Variants in PIK3CA observed in about 807,000 individuals in gnomAD.
The protein encoded by PIK3CA is phosphatidylinositol 4,5-bisphosphate 3-kinase catalytic subunit alpha isoform.
Under a neutral mutation model 138.2 loss-of-function variants are expected in PIK3CA, and 27 were observed. The observed-to-expected ratio is 0.20, with a 90% CI of 0.14 to 0.27. The LOEUF (loss-of-function observed/expected upper bound fraction) is 0.27. Among genes scored for constraint, PIK3CA ranks in the 10% least tolerant of loss-of-function variants. PIK3CA has a pLI of 1.00. For missense variants in PIK3CA, 544 were observed against 1,277.4 expected (o/e 0.43, Z 8.75); for synonymous variants, 358 against 413.2 (o/e 0.87, Z 1.62).
At chr3:179,221,655 G>A (rs560104729) in intron 14 of PIK3CA, among the ~76,000 whole-genome samples, 4 of 141,590 alleles carry the variant, frequency 2.8e-5, no homozygotes, top group South Asian at 4.5e-4. Flanking sequence ...GTCATCTGCT[G>A]TCTAGCTTAG....
At chr3:179,167,817 T>G (rs532784371) in intron 1 of PIK3CA, among the ~76,000 whole-genome samples, 1 of 152,296 alleles carries the variant, frequency 6.6e-6, no homozygotes, top group East Asian at 1.9e-4. Flanking sequence ...TTGTGCTCTT[T>G]TGCTTCATTT....
chr3:179,157,344 C>G (rs751996946), intron 1 of PIK3CA, among the ~76,000 whole-genome samples: 8 of 152,018 alleles, frequency 5.3e-5, no homozygotes, highest in Admixed American at 2.0e-4. Context: ...AAAAGTTGAA[C>G]ATGACTTTTT....
intron 10 of PIK3CA, among the ~76,000 whole-genome samples, chr3:179,218,754 G>A (rs1724899065): frequency 6.6e-6 from 1 of 151,846 alleles, no homozygotes; most frequent in South Asian, 2.1e-4. Flanking sequence ...CCTGCTGTTG[G>A]TGATACGGGT....
At position 179,239,173 on chromosome 3, in the gene PIK3CA, C is replaced by A. The variant is rs532181391; in HGVS notation, c.*4809C>A. 36 of 209,694 alleles carry A rather than the reference C, an allele frequency of 1.7e-4. No homozygotes were observed. The East Asian group carries it at 2.6e-3, about 15-fold the overall frequency. 13.0% of individuals were successfully genotyped at this position (209,694 alleles called of 1,614,324 possible). ...TCTACCAACAGTATACTCCATTCCT[C>A]ATGTAGGTAAGTACAGAAAAGGTTT... On this transcript the variant is annotated 3_prime_UTR_variant, in exon 21 of 21. Coordinates refer to ENST00000263967, the MANE Select transcript of PIK3CA (RefSeq NM_006218.4).
At position 179,238,038 on chromosome 3, in the gene PIK3CA, T is replaced by C. The variant is rs373198732; in HGVS notation, c.*3674T>C. The C allele has an allele frequency of 9.0e-6, 2 of 221,976 alleles. No homozygotes were observed. The highest frequency in any genetic ancestry group is 1.2e-4 in the Admixed American group (2 of 17,352). The allele number at this position is 221,976 out of a possible 1,614,324, so 13.8% of individuals were successfully genotyped here. Reference sequence around the variant, plus strand: ...TTAAAGACAACTTTCATACTTCAGATGTTTTTGAGAAGAGGGGAATGTGAG... The same window carrying C: ...TTAAAGACAACTTTCATACTTCAGACGTTTTTGAGAAGAGGGGAATGTGAG... On this transcript the variant is annotated 3_prime_UTR_variant, in exon 21 of 21. Transcript: ENST00000263967.
At chr3:179,150,349 GTAA>G (rs779962039) in intron 1 of PIK3CA, among the ~76,000 whole-genome samples, 16 of 152,000 alleles carry the variant, frequency 1.1e-4, no homozygotes, top group Non-Finnish European at 1.5e-4. Context: ...ATAGCATATC[GTAA>G]TAATAGCATC....
At chr3:179,209,237 A>G (rs1724647803) in intron 6 of PIK3CA, among the ~76,000 whole-genome samples, 1 of 151,856 alleles carries the variant, frequency 6.6e-6, no homozygotes, top group Non-Finnish European at 1.5e-5. Context: ...CTTTTATTAG[A>G]TTATGCTTTC....
rs1725324881 is a variant in PIK3CA, at chr3:179,235,940, T to C, written c.*1576T>C. On this transcript the variant is annotated 3_prime_UTR_variant, in exon 21 of 21. Transcript: ENST00000263967. ...CTCTGTATTTGAAATGAATGATTAA[T>C]GTCCTAGGAAATTAGCTTTAGCAGA... is the stretch of plus-strand genomic sequence containing the variant. 1 of 209,182 alleles carries C rather than the reference T, an allele frequency of 4.8e-6. No homozygotes were observed. Among genetic ancestry groups the C allele is most frequent in the Non-Finnish European group, 9.7e-6 (1 of 102,814 alleles). The allele number at this position is 209,182 out of a possible 1,614,324, so 13.0% of individuals were successfully genotyped here.
At chr3:179,156,051 G>T (rs974864052) in intron 1 of PIK3CA, among the ~76,000 whole-genome samples, 4 of 152,162 alleles carry the variant, frequency 2.6e-5, no homozygotes, top group Non-Finnish European at 5.9e-5. Flanking sequence ...TCAGGGAAGA[G>T]TAAGTAAATC....
At chr3:179,176,523 G>T (rs1037930724) in intron 1 of PIK3CA, among the ~76,000 whole-genome samples, 1 of 152,026 alleles carries the variant, frequency 6.6e-6, no homozygotes, top group Non-Finnish European at 1.5e-5. Flanking sequence ...TGACACAAAG[G>T]TCTGTACTCT....
chr3:179,173,906 T>A (rs1723628960), intron 1 of PIK3CA, among the ~76,000 whole-genome samples: 1 of 151,746 alleles, frequency 6.6e-6, no homozygotes, highest in Non-Finnish European at 1.5e-5. Flanking sequence ...TTTTGTATTT[T>A]TAGTAGAGAC....
In PIK3CA at chr3:179,238,818, A is replaced by G; in HGVS notation, c.*4454A>G. 1 of 223,160 alleles carries G rather than the reference A, an allele frequency of 4.5e-6. No individual in the cohort carries two copies. The highest frequency in any genetic ancestry group is 6.5e-5 in the East Asian group (1 of 15,374). The allele number at this position is 223,160 out of a possible 1,614,324, so 13.8% of individuals were successfully genotyped here. A position where few individuals can be genotyped will look rare whatever the true frequency, so the allele number is the denominator to read the frequency against. ...TAGCCCTAGTCAAGAGGCATCTTTTATAAAAGGTGTAAAGAAATATCAAGG... is the reference window on the plus strand; with the variant it reads ...TAGCCCTAGTCAAGAGGCATCTTTTGTAAAAGGTGTAAAGAAATATCAAGG... On this transcript the variant is annotated 3_prime_UTR_variant, in exon 21 of 21. Transcript: ENST00000263967.
At chr3:179,172,856 A>G (rs1009664503) in intron 1 of PIK3CA, among the ~76,000 whole-genome samples, 2 of 152,218 alleles carry the variant, frequency 1.3e-5, no homozygotes, top group African/African-American at 2.4e-5. Context: ...TGCAAAAAAC[A>G]TAACCACACA....
At chr3:179,200,244 G>T (rs1271543769) in intron 3 of PIK3CA, among the ~76,000 whole-genome samples, 1 of 151,584 alleles carries the variant, frequency 6.6e-6, no homozygotes, top group Non-Finnish European at 1.5e-5. Flanking sequence ...ATGAAATTTT[G>T]GGAAAACTTT....
chr3:179,170,812 G>T (rs1424217771), intron 1 of PIK3CA, among the ~76,000 whole-genome samples: 3 of 152,164 alleles, frequency 2.0e-5, no homozygotes, highest in Admixed American at 2.0e-4. Flanking sequence ...AAGATTGATA[G>T]AACTGAGAGA....
At chr3:179,148,178 G>GC (rs1722900121), upstream of PIK3CA, 1 of 152,332 alleles carries the variant, frequency 6.6e-6, no homozygotes, top group Non-Finnish European at 1.5e-5. Context: ...GGAGGGGGGG[G>GC]GCCGAGGGGG....
chr3:179,186,600 C>T (rs1576925971), intron 1 of PIK3CA, among the ~76,000 whole-genome samples: 3 of 152,264 alleles, frequency 2.0e-5, no homozygotes, highest in Non-Finnish European at 4.4e-5. Context: ...GATTTTCTTC[C>T]TGAAGTATGT....
At position 179,210,439 on chromosome 3, in the gene PIK3CA, A is replaced by G. The variant is rs1576938600; in HGVS notation, c.1413A>G (p.Pro471=). The G allele has an allele frequency of 6.2e-7, 1 of 1,612,924 alleles. No homozygotes were observed. The highest frequency in any genetic ancestry group is 8.5e-7 in the Non-Finnish European group (1 of 1,179,676). ...VTGSNPNKET[P]CLELEFDWFS... ...TTTCTTCCATCTCTTAGGAAACTCC[A>G]TGCTTAGAGTTGGAGTTTGACTGGT... Residue 471 remains proline (P), a synonymous_variant, in exon 9 of 21, where the codon CCA becomes CCG. Coordinates refer to ENST00000263967, the MANE Select transcript of PIK3CA (RefSeq NM_006218.4).
chr3:179,186,424 C>G (rs377346129), intron 1 of PIK3CA, among the ~76,000 whole-genome samples: 1 of 152,088 alleles, frequency 6.6e-6, no homozygotes, highest in Non-Finnish European at 1.5e-5. Context: ...AGTTACTTTT[C>G]GTGAAGCCCT....
Sources: gnomAD v4.1 joint callset for allele counts (sites outside exome capture counted in the v4.1 genomes callset) on GRCh38, gnomAD v4.1.1 for gene constraint, MANE v1.5 for transcripts, NCBI Gene and HGNC (gene_info 2026-07-23, HGNC 2026-07-21) for gene names.